The following RSPH1 variants were observed in gnomAD, a reference collection of about 807,000 sequenced individuals.
RSPH1 encodes radial spoke head component 1, also known as radial spoke head 1 homolog.
In RSPH1, 32 loss-of-function variants were observed where a neutral mutation model predicts 44.2. That is an observed-to-expected ratio of 0.72 (90% CI 0.55 to 0.97). RSPH1 has a LOEUF of 0.97. RSPH1 is among the 50% of genes least tolerant of loss of function. The pLI is 0.00. For missense variants in RSPH1, 391 were observed against 398.7 expected, an observed-to-expected ratio of 0.98 and a Z score of 0.16; for synonymous variants, 134 against 147.3, an observed-to-expected ratio of 0.91 and a Z score of 0.65.
chr21:42,492,069 G>A (rs951478124), intron 3 of RSPH1, among the ~76,000 whole-genome samples: 1 of 152,030 alleles, frequency 6.6e-6, no homozygotes, highest in African/African-American at 2.4e-5. Flanking sequence ...TTCTTCCTAG[G>A]GAAAAAACAA....
At chr21:42,489,887 C>T (rs529835848) in intron 3 of RSPH1, among the ~76,000 whole-genome samples, 4 of 152,288 alleles carry the variant, frequency 2.6e-5, no homozygotes, top group East Asian at 1.9e-4. Context: ...TCCTGCCATT[C>T]GGGGGCTTCC....
chr21:42,474,273 G>A lies in RSPH1; in HGVS notation c.878-1403C>T, dbSNP rs2054021772. ...CCACCCCCACACTCTTCTGCTGTCAGACTCTGCTCTCTGCCTGGAATTTCC... is the reference window on the plus strand; with the variant it reads ...CCACCCCCACACTCTTCTGCTGTCAAACTCTGCTCTCTGCCTGGAATTTCC... On this transcript the variant is annotated intron_variant, in intron 8 of 8. Transcript: ENST00000291536. This position sits in a 1 kb window ranked among gnomAD's most constrained non-coding sequence, Gnocchi z 5.2. Among the ~76,000 whole-genome samples, 1 of 152,184 alleles carries A rather than the reference G, an allele frequency of 6.6e-6. No individual in the cohort carries two copies. The highest frequency in any genetic ancestry group is 1.5e-5 in the Non-Finnish European group (1 of 68,030).
intron 6 of RSPH1, 151 bp from the exon 7 acceptor site, chr21:42,477,595 G>A: frequency 1.4e-6 from 1 of 730,238 alleles, no homozygotes. Context: ...CAGACCAGTT[G>A]CTGACTATCC....
At chr21:42,496,034 G>A in intron 1 of RSPH1, 99 bp downstream of exon 1, 1 of 1,377,892 alleles carries the variant, frequency 7.3e-7, no homozygotes, top group African/African-American at 1.4e-5. Flanking sequence ...CTGTGGCTCA[G>A]ACCTCTGGTT....
chr21:42,493,202 C>A, intron 1 of RSPH1, 123 bp from the exon 2 acceptor site: 1 of 812,724 alleles, frequency 1.2e-6, no homozygotes, highest in Non-Finnish European at 2.0e-6. Context: ...GCACTATACT[C>A]AATTGTCCCA....
At chr21:42,491,787 G>A (rs1010945058) in intron 3 of RSPH1, among the ~76,000 whole-genome samples, 11 of 152,132 alleles carry the variant, frequency 7.2e-5, no homozygotes, top group Non-Finnish European at 1.5e-4. Context: ...ACTATAGCTC[G>A]CACTTTGTAA....
At chr21:42,477,550 T>C in intron 6 of RSPH1, 106 bp from the exon 7 acceptor site, 2 of 1,219,918 alleles carry the variant, frequency 1.6e-6, no homozygotes, top group East Asian at 2.3e-5. Flanking sequence ...GGTTTTGGCT[T>C]GTGTTTCAGC....
chr21:42,490,749 T>C (rs985759034), intron 3 of RSPH1, among the ~76,000 whole-genome samples: 3 of 152,222 alleles, frequency 2.0e-5, no homozygotes, highest in Non-Finnish European at 4.4e-5. Flanking sequence ...TGAGACTCTT[T>C]TGACCACACC....
At chr21:42,481,051 G>A (rs746012641) in intron 6 of RSPH1, among the ~76,000 whole-genome samples, 7 of 152,110 alleles carry the variant, frequency 4.6e-5, no homozygotes, top group East Asian at 3.8e-4. Flanking sequence ...CCTTCAAATC[G>A]CATGTTGAAA....
chr21:42,489,629 C>T (rs2054216776), intron 3 of RSPH1, among the ~76,000 whole-genome samples: 1 of 152,214 alleles, frequency 6.6e-6, no homozygotes, highest in Admixed American at 6.5e-5. Flanking sequence ...AAGGAGCCCA[C>T]ACTTATGGGG....
chr21:42,486,280 A>G, intron 4 of RSPH1, 91 bp downstream of exon 4: 1 of 993,082 alleles, frequency 1.0e-6, no homozygotes, highest in African/African-American at 1.6e-5. Flanking sequence ...TTTTGTTATG[A>G]TTCTGTTCCT....
At chr21:42,472,919 A>G (rs1186092923) in intron 8 of RSPH1, 49 bp from the exon 9 acceptor site, 2 of 1,370,562 alleles carry the variant, frequency 1.5e-6, no homozygotes, top group Non-Finnish European at 2.1e-6. Flanking sequence ...ACTTTGTTCT[A>G]TTTTTAAAGC....
At chr21:42,493,258 A>G (rs1325068081) in intron 1 of RSPH1, among the ~76,000 whole-genome samples, 179 bp from the exon 2 acceptor site, 1 of 152,168 alleles carries the variant, frequency 6.6e-6, no homozygotes, top group Non-Finnish European at 1.5e-5. Context: ...CCTGGGCTAG[A>G]TGAGGCACTA....
At chr21:42,485,595 TCA>T in intron 5 of RSPH1, 72 bp downstream of exon 5, 1 of 1,563,608 alleles carries the variant, frequency 6.4e-7, no homozygotes, top group Non-Finnish European at 8.8e-7. Context: ...TATTCTCTGG[TCA>T]CACATTTGCA....
rs927845095 is a variant in RSPH1 at position 42,472,712 on chromosome 21, T to G, written c.*106A>C. The G allele has an allele frequency of 2.4e-6, 2 of 835,114 alleles. No individual in the cohort carries two copies. Among genetic ancestry groups the G allele is most frequent in the African/African-American group, 1.7e-5 (1 of 57,450 alleles). 51.7% of individuals were successfully genotyped at this position (835,114 alleles called of 1,614,324 possible). On this transcript the variant is annotated 3_prime_UTR_variant, in exon 9 of 9. Transcript: ENST00000291536. ...GCCACTTTCTGGACTCAAGCAATCC[T>G]CCTGCCTCAGCCTCTCAAGTAGCTG...
intron 8 of RSPH1, among the ~76,000 whole-genome samples, chr21:42,475,335 G>C (rs1226453914): frequency 2.6e-5 from 4 of 152,158 alleles, no homozygotes; most frequent in South Asian, 4.1e-4. Context: ...GGGAGGCCGA[G>C]GCGGGCCTCC....
chr21:42,473,007 A>C, intron 8 of RSPH1, 137 bp from the exon 9 acceptor site: 1 of 623,398 alleles, frequency 1.6e-6, no homozygotes, highest in Non-Finnish European at 2.7e-6. Context: ...ATTGAATGTT[A>C]AATTTTATCT....
intron 1 of RSPH1, among the ~76,000 whole-genome samples, chr21:42,494,014 G>A (rs528665837): frequency 6.6e-6 from 1 of 152,292 alleles, no homozygotes. Flanking sequence ...CAAAGTGCTG[G>A]AATTACAGGT....
chr21:42,492,108 A>G (rs372227079), intron 3 of RSPH1, among the ~76,000 whole-genome samples: 2 of 152,176 alleles, frequency 1.3e-5, no homozygotes, highest in South Asian at 4.1e-4. Flanking sequence ...TTTTATATAC[A>G]CTTTCTGAAG....
Sources: allele counts gnomAD v4.1 joint callset (sites outside exome capture counted in the v4.1 genomes callset), GRCh38; gene constraint gnomAD v4.1.1; non-coding constraint Gnocchi (gnomAD v3.1); transcripts MANE v1.5; gene names NCBI Gene and HGNC (gene_info 2026-07-23, HGNC 2026-07-21).